The following TNKS variants were observed in gnomAD, a reference collection of about 807,000 sequenced individuals.
TNKS encodes poly [ADP-ribose] polymerase tankyrase-1.
In TNKS, 72 loss-of-function variants were observed where a neutral mutation model predicts 135.8. That is an observed-to-expected ratio of 0.53 (90% CI 0.44 to 0.64). TNKS has a LOEUF of 0.64. Ranked by LOEUF, TNKS falls within the 30% of genes least tolerant of loss-of-function variation. The pLI, the probability that TNKS is intolerant of heterozygous loss-of-function variation, is 0.00. For missense variants in TNKS, 1,769 were observed against 1,674.0 expected, an observed-to-expected ratio of 1.06 and a Z score of -0.99; for synonymous variants, 849 against 649.3, an observed-to-expected ratio of 1.31 and a Z score of -4.68.
At chr8:9,762,464 T>G (rs544006393) in intron 21 of TNKS, among the ~76,000 whole-genome samples, 55 of 152,132 alleles carry the variant, frequency 3.6e-4, no homozygotes, top group African/African-American at 1.3e-3. Flanking sequence ...ATAATTTTTA[T>G]ATTTTAGATC....
intron 22 of TNKS, among the ~76,000 whole-genome samples, chr8:9,764,052 G>C (rs1386233605): frequency 6.6e-6 from 1 of 152,096 alleles, no homozygotes; most frequent in Admixed American, 6.5e-5. Context: ...TCTCCTAGCA[G>C]TTAGTACATT....
At position 9,575,070 on chromosome 8, in the gene TNKS, A is replaced by C. The variant is rs546412528; in HGVS notation, c.674-5089A>C. On this transcript the variant is annotated intron_variant, in intron 1 of 26. Transcript: ENST00000310430. The stretch of plus-strand genomic sequence containing the variant: ...TTTGTCTTGACAAATTGTGTGAGAC[A>C]AGTGAATCTCTCCATTATCTTTTTA... The C allele has an allele frequency of 5.9e-5, 58 of 985,140 alleles. No homozygotes were observed. The East Asian group carries it at 5.2e-3, about 89-fold the overall frequency. The allele number at this position is 985,140 out of a possible 1,614,324, so 61.0% of individuals were successfully genotyped here. A position where few individuals can be genotyped will look rare whatever the true frequency, so the allele number is the denominator to read the frequency against.
intron 5 of TNKS, among the ~76,000 whole-genome samples, chr8:9,685,141 G>C (rs888300771): frequency 2.0e-5 from 3 of 152,118 alleles, no homozygotes; most frequent in Non-Finnish European, 4.4e-5. Flanking sequence ...ACTGGAAACA[G>C]AGAAAAGTAA....
chr8:9,608,913 A>G (rs546660713), intron 2 of TNKS, among the ~76,000 whole-genome samples: 5 of 152,006 alleles, frequency 3.3e-5, no homozygotes, highest in Admixed American at 6.5e-5. Context: ...TGCTTCATCT[A>G]TTTTCTCCAA....
intron 3 of TNKS, among the ~76,000 whole-genome samples, chr8:9,616,456 G>A (rs565169261): frequency 6.6e-6 from 1 of 152,274 alleles, no homozygotes; most frequent in South Asian, 2.1e-4. Flanking sequence ...CTCTGTCACT[G>A]CAGTGCTAAC....
Position 9,582,312 on chromosome 8 carries a change from GT to G in TNKS, c.898+1939del, listed in dbSNP as rs370751684. Among the ~76,000 whole-genome samples the G allele has an allele frequency of 1.5e-3, 222 of 147,444 alleles. 2 individuals carry two copies. The highest frequency in any genetic ancestry group is 4.6e-3 in the African/African-American group (186 of 40,326). ...CTGGATAAAAAAAGTGGGAAGCCTT[GT>G]TTTTTTTTTGTTTGTTTGTTTTCCT... is the stretch of plus-strand genomic sequence containing the variant. On this transcript the variant is annotated intron_variant, in intron 2 of 26. Coordinates refer to ENST00000310430, the MANE Select transcript of TNKS (RefSeq NM_003747.3).
At chr8:9,768,569 G>C (rs1807605316) in intron 25 of TNKS, among the ~76,000 whole-genome samples, 1 of 152,208 alleles carries the variant, frequency 6.6e-6, no homozygotes. Flanking sequence ...CTCTCTACTT[G>C]CCCATCTGCA....
chr8:9,588,666 C>A (rs1446408684), intron 2 of TNKS, among the ~76,000 whole-genome samples: 1 of 152,142 alleles, frequency 6.6e-6, no homozygotes, highest in Non-Finnish European at 1.5e-5. Context: ...AAGACTAGGG[C>A]CCCAATATTT....
At chr8:9,721,486 C>G (rs1021980172) in intron 12 of TNKS, among the ~76,000 whole-genome samples, 1 of 151,468 alleles carries the variant, frequency 6.6e-6, no homozygotes, top group African/African-American at 2.4e-5. Context: ...TATAATTAAC[C>G]TCTTTCCTAA....
chr8:9,775,233 A>G (rs1038023892), intron 26 of TNKS, among the ~76,000 whole-genome samples: 14 of 152,086 alleles, frequency 9.2e-5, no homozygotes, highest in African/African-American at 3.4e-4. Context: ...TCAAAAATTA[A>G]GTGTATGTCT....
chr8:9,680,939 T>C (rs777053331), intron 5 of TNKS, 139 bp downstream of exon 5: 7 of 580,592 alleles, frequency 1.2e-5, no homozygotes, highest in Non-Finnish European at 2.1e-5. Flanking sequence ...AATGCTACTA[T>C]ATCTGTTATT....
chr8:9,678,546 G>T (rs1375171856), intron 3 of TNKS, among the ~76,000 whole-genome samples: 2 of 151,980 alleles, frequency 1.3e-5, no homozygotes, highest in Non-Finnish European at 2.9e-5. Context: ...AGAGAAAATA[G>T]GTATTTAACA....
rs1420655173 is a variant in TNKS at position 9,751,638 on chromosome 8, T to C, written c.2862T>C (p.Asp954=). Residue 954 remains aspartate, a synonymous_variant, in exon 19 of 27, where the codon GAT becomes GAC. Transcript: ENST00000310430. ...ACGATATCAGAGCTTTGCTGATAGATGCCATGCCCCCAGAGGCCTTACCTA... is the reference window on the plus strand; with the variant it reads ...ACGATATCAGAGCTTTGCTGATAGACGCCATGCCCCCAGAGGCCTTACCTA... ...TADDIRALLI[D]AMPPEALPTC... is the part of the protein sequence containing the mutation. 1.2e-6 allele frequency: 2 copies of C among 1,614,094 alleles called. No individual in the cohort carries two copies. Among genetic ancestry groups the C allele is most frequent in the African/African-American group, 2.7e-5 (2 of 74,932 alleles).
chr8:9,653,598 C>G (rs1450939829), intron 3 of TNKS, among the ~76,000 whole-genome samples: 1 of 151,978 alleles, frequency 6.6e-6, no homozygotes, highest in Non-Finnish European at 1.5e-5. Context: ...CTCGTGGTAG[C>G]AAATTCAGTC....
At chr8:9,763,803 TAAAC>T (rs1159401243) in intron 22 of TNKS, among the ~76,000 whole-genome samples, 2 of 152,172 alleles carry the variant, frequency 1.3e-5, no homozygotes, top group Non-Finnish European at 2.9e-5. Flanking sequence ...GGCTTATGCA[TAAAC>T]AAACAGCCTA....
At chr8:9,574,787 T>C (rs1219881821) in intron 1 of TNKS, among the ~76,000 whole-genome samples, 1 of 152,148 alleles carries the variant, frequency 6.6e-6, no homozygotes, top group Non-Finnish European at 1.5e-5. Flanking sequence ...AGATGACACA[T>C]TTTTGGCCAA....
At chr8:9,708,311 G>A (rs978870066) in intron 8 of TNKS, 60 bp from the exon 9 acceptor site, 7 of 1,349,046 alleles carry the variant, frequency 5.2e-6, no homozygotes, top group Non-Finnish European at 7.0e-6. Flanking sequence ...TTATAATCAT[G>A]CTGAAGATTT....
intron 3 of TNKS, among the ~76,000 whole-genome samples, chr8:9,673,877 T>TA (rs1016686003): frequency 1.3e-5 from 2 of 152,160 alleles, no homozygotes; most frequent in Non-Finnish European, 2.9e-5. Context: ...TTTTTTCTTT[T>TA]AAAAAAATGT....
chr8:9,578,032 G>T (rs1312954255), intron 1 of TNKS, among the ~76,000 whole-genome samples: 1 of 152,160 alleles, frequency 6.6e-6, no homozygotes, highest in Non-Finnish European at 1.5e-5. Flanking sequence ...CAATCTTAAA[G>T]TTCCAAAATA....
Sources: allele counts gnomAD v4.1 joint callset (sites outside exome capture counted in the v4.1 genomes callset), GRCh38; gene constraint gnomAD v4.1.1; transcripts MANE v1.5; gene names NCBI Gene and HGNC (gene_info 2026-07-23, HGNC 2026-07-21).